RPRD1A: variants seen among roughly 807,000 people sequenced by gnomAD.
RPRD1A encodes the protein regulation of nuclear pre-mRNA domain containing 1A, also known as regulation of nuclear pre-mRNA domain-containing protein 1A.
In RPRD1A, 9 loss-of-function variants were observed where a neutral mutation model predicts 37.8. The observed-to-expected ratio is 0.24, with a 90% confidence interval of 0.14 to 0.42. The LOEUF is 0.42. Ranked by LOEUF, RPRD1A falls within the 10% of genes least tolerant of loss-of-function variation. RPRD1A has a pLI of 1.00. For synonymous variants in RPRD1A, 138 were observed against 139.7 expected, an observed-to-expected ratio of 0.99 and a Z score of 0.08; for missense variants, 255 against 371.0, an observed-to-expected ratio of 0.69 and a Z score of 2.57.
intron 6 of RPRD1A, among the ~76,000 whole-genome samples, chr18:36,006,350 C>A (rs1024422669): frequency 1.3e-5 from 2 of 151,976 alleles, no homozygotes; most frequent in Non-Finnish European, 2.9e-5. Context: ...AGCTAATTTT[C>A]AAAAAATATT....
chr18:36,025,589 A>T (rs1226764556), intron 6 of RPRD1A: 1 of 1,263,866 alleles, frequency 7.9e-7, no homozygotes, highest in Non-Finnish European at 1.0e-6. Flanking sequence ...ACATGAGACA[A>T]TACAGGCTTC....
intron 1 of RPRD1A, among the ~76,000 whole-genome samples, chr18:36,046,014 T>C (rs1206395519): frequency 6.6e-6 from 1 of 152,236 alleles, no homozygotes; most frequent in African/African-American, 2.4e-5. Flanking sequence ...GGGCTTCAGA[T>C]AACCAAGAGT....
intron 1 of RPRD1A, among the ~76,000 whole-genome samples, chr18:36,044,533 C>T (rs111497320): frequency 6.6e-6 from 1 of 151,688 alleles, no homozygotes; most frequent in Admixed American, 6.6e-5. Flanking sequence ...ACTAAAAATA[C>T]AAAAATTAGC....
chr18:36,039,224 G>GT, intron 1 of RPRD1A, among the ~76,000 whole-genome samples: 1 of 152,136 alleles, frequency 6.6e-6, no homozygotes, highest in Non-Finnish European at 1.5e-5. Context: ...TGCCATGACT[G>GT]TAAGTTTCCT....
rs1381211447 is a variant in RPRD1A at position 36,027,293 on chromosome 18, T to A, written c.504A>T (p.Arg168Ser). ...SEPPQTLDLV[R>S]ALQDLENAAS... ...CTGCATTTTCCAGATCTTGTAATGC[T>A]CTAACGAGATCTAGAGTCTAAAAAG... Residue 168 changes from arginine (R) to serine (S), a missense_variant, in exon 5 of 7, where the codon AGA becomes AGT. This residue lies in a region of RPRD1A where 211 missense variants were observed against 268.9 expected (regional missense o/e 0.78). Coordinates refer to ENST00000399022, the MANE Select transcript of RPRD1A (RefSeq NM_018170.5). The A allele has an allele frequency of 1.9e-6, 3 of 1,613,864 alleles. No individual in the cohort carries two copies. The highest frequency in any genetic ancestry group is 2.5e-6 in the Non-Finnish European group (3 of 1,179,822).
chr18:36,027,592 G>C (rs540035123), intron 4 of RPRD1A: 1 of 271,462 alleles, frequency 3.7e-6, no homozygotes, highest in East Asian at 6.6e-5. Flanking sequence ...CTAAAATGAG[G>C]TAATGAGGAT....
chr18:36,021,017 T>TCAACAACTA (rs1910958820), intron 6 of RPRD1A, among the ~76,000 whole-genome samples: 1 of 152,180 alleles, frequency 6.6e-6, no homozygotes, highest in African/African-American at 2.4e-5. Flanking sequence ...ACTTGTATTA[T>TCAACAACTA]CAACAACTAA....
intron 6 of RPRD1A, among the ~76,000 whole-genome samples, chr18:36,020,274 A>G (rs970684459): frequency 1.3e-5 from 2 of 152,178 alleles, no homozygotes; most frequent in Non-Finnish European, 2.9e-5. Context: ...CATATAACTA[A>G]AAGATGGAAG....
intron 6 of RPRD1A, among the ~76,000 whole-genome samples, chr18:36,004,525 G>A (rs957075198): frequency 6.6e-6 from 1 of 152,158 alleles, no homozygotes; most frequent in African/African-American, 2.4e-5. Flanking sequence ...AAAGTGCTGG[G>A]ATTACAGGCA....
chr18:36,036,096 T>G (rs1331640763), intron 1 of RPRD1A, among the ~76,000 whole-genome samples: 1 of 151,760 alleles, frequency 6.6e-6, no homozygotes, highest in Non-Finnish European at 1.5e-5. Flanking sequence ...ACAAAAAAAA[T>G]GTTTTTGTTT....
chr18:36,059,197 G>C (rs940094940), intron 1 of RPRD1A, among the ~76,000 whole-genome samples: 1 of 151,840 alleles, frequency 6.6e-6, no homozygotes, highest in African/African-American at 2.4e-5. Context: ...CCCAGGCTTG[G>C]AGTAATCTCA....
chr18:36,061,270 G>A (rs747056766), intron 1 of RPRD1A, among the ~76,000 whole-genome samples: 2 of 152,142 alleles, frequency 1.3e-5, no homozygotes, highest in African/African-American at 2.4e-5. Flanking sequence ...CTGAGGGCAG[G>A]GATAAACTGT....
chr18:36,064,844 T>C (rs935842784), intron 1 of RPRD1A, among the ~76,000 whole-genome samples: 1 of 152,144 alleles, frequency 6.6e-6, no homozygotes, highest in African/African-American at 2.4e-5. Flanking sequence ...GCCGCCTTTA[T>C]GAGCTGTAAC....
intron 1 of RPRD1A, among the ~76,000 whole-genome samples, chr18:36,036,016 A>G (rs1912166383): frequency 2.0e-5 from 3 of 152,182 alleles, no homozygotes; most frequent in Admixed American, 2.0e-4. Flanking sequence ...GCTACACAAC[A>G]ATGTACTTAA....
chr18:36,061,853 G>A (rs570380278), intron 1 of RPRD1A, among the ~76,000 whole-genome samples: 1 of 152,196 alleles, frequency 6.6e-6, no homozygotes, highest in African/African-American at 2.4e-5. Flanking sequence ...ACATCCAAAT[G>A]GCCAATAAGT....
intron 6 of RPRD1A, among the ~76,000 whole-genome samples, chr18:36,008,571 G>GTATGTA (rs1359543093): frequency 2.1e-4 from 6 of 27,938 alleles, no homozygotes; most frequent in African/African-American, 1.0e-3. Flanking sequence ...GCAAGACCTT[G>GTATGTA]TGTGTGTATA....
rs528896125 is a variant in RPRD1A at position 36,003,930 on chromosome 18, C to T, written c.790-10630G>A. On this transcript the variant is annotated intron_variant, in intron 6 of 6. Coordinates refer to ENST00000399022, the MANE Select transcript of RPRD1A (RefSeq NM_018170.5). ...CCTCCCACCTTGGCCTCTCAAGTAGCTGTGACTACAGATGCGCACCACCAC... is the reference window on the plus strand; with the variant it reads ...CCTCCCACCTTGGCCTCTCAAGTAGTTGTGACTACAGATGCGCACCACCAC... Among the ~76,000 whole-genome samples, 10 of 151,118 alleles carry T rather than the reference C, an allele frequency of 6.6e-5. No individual in the cohort carries two copies. In the Admixed American group the frequency reaches 6.6e-4, roughly 10 times the overall value.
intron 6 of RPRD1A, chr18:36,025,409 T>C (rs1911294585): frequency 3.1e-6 from 1 of 325,162 alleles, no homozygotes; most frequent in Admixed American, 4.5e-5. Flanking sequence ...GAAATGTGGC[T>C]GGAAGGCACT....
chr18:36,008,126 C>A (rs975433771), intron 6 of RPRD1A, among the ~76,000 whole-genome samples: 1 of 151,970 alleles, frequency 6.6e-6, no homozygotes. Flanking sequence ...AACTTGATGA[C>A]CAGTTCCTCT....
Sources: gnomAD v4.1 joint callset for allele counts (sites outside exome capture counted in the v4.1 genomes callset) on GRCh38, gnomAD v4.1.1 for gene constraint, gnomAD v4.1.1 regional missense constraint, MANE v1.5 for transcripts, NCBI Gene and HGNC (gene_info 2026-07-23, HGNC 2026-07-21) for gene names.